Variants in CACNA1E observed in about 807,000 individuals in gnomAD.
CACNA1E encodes voltage-dependent R-type calcium channel subunit alpha-1E.
Under a neutral mutation model 259.2 loss-of-function variants are expected in CACNA1E, and 40 were observed. The ratio of observed to expected loss-of-function variants is 0.15; its 90% CI spans 0.12 to 0.20. The LOEUF is 0.20. CACNA1E is among the 10% of genes least tolerant of loss of function. The pLI is 1.00. For missense variants in CACNA1E, 1,874 were observed against 3,040.1 expected, an observed-to-expected ratio of 0.62 and a Z score of 9.02; for synonymous variants, 1,104 against 1,138.5, an observed-to-expected ratio of 0.97 and a Z score of 0.61.
At chr1:181,753,473 T>C (rs1657781234) in intron 27 of CACNA1E, among the ~76,000 whole-genome samples, 1 of 152,156 alleles carries the variant, frequency 6.6e-6, no homozygotes, top group African/African-American at 2.4e-5. Flanking sequence ...CCAGGGCAAA[T>C]TACTTATTCT....
chr1:181,776,142 G>A lies in CACNA1E; in HGVS notation c.5181G>A (p.Glu1727=), dbSNP rs1257152091. 6.2e-6 allele frequency: 10 copies of A among 1,613,920 alleles called. No individual in the cohort carries two copies. In the East Asian group the frequency reaches 1.1e-4, roughly 18 times the overall value. ...LFVAVIMDNF[E]YLTRDSSILG... ...TGGCCGTCATCATGGACAACTTTGA[G>A]TACCTGACTCGGGACTCCTCCATCC... The change falls in exon 38 of 48, where the codon GAG becomes GAA. Residue 1727 remains glutamate, a synonymous_variant. Coordinates refer to ENST00000367573, the MANE Select transcript of CACNA1E (RefSeq NM_001205293.3). The surrounding 1 kb of genome is among the most constrained non-coding windows in gnomAD (Gnocchi z 4.4).
chr1:181,700,114 G>A (rs1246243623), intron 7 of CACNA1E, among the ~76,000 whole-genome samples: 1 of 152,104 alleles, frequency 6.6e-6, no homozygotes, highest in Non-Finnish European at 1.5e-5. Flanking sequence ...TGGGCCCTGG[G>A]GCACTCCAAT....
At chr1:181,386,757 C>T (rs548676027) in intron 1 of CACNA1E, among the ~76,000 whole-genome samples, 139 of 152,282 alleles carry the variant, frequency 9.1e-4, no homozygotes, top group African/African-American at 3.2e-3. Flanking sequence ...AGAATACAAT[C>T]AAATTCCTCC....
intron 32 of CACNA1E, among the ~76,000 whole-genome samples, chr1:181,759,884 A>C (rs943005500): frequency 6.6e-6 from 1 of 152,214 alleles, no homozygotes; most frequent in Admixed American, 6.5e-5. Context: ...TTGGTCTCCC[A>C]GCGGTTCTTT....
intron 1 of CACNA1E, among the ~76,000 whole-genome samples, chr1:181,330,099 C>T (rs1651134910): frequency 6.6e-6 from 1 of 152,100 alleles, no homozygotes; most frequent in Non-Finnish European, 1.5e-5. Flanking sequence ...GCCTTACCAG[C>T]CTCATGCTCT....
chr1:181,426,595 C>G (rs961925893), intron 2 of CACNA1E, among the ~76,000 whole-genome samples: 5 of 149,428 alleles, frequency 3.3e-5, no homozygotes, highest in African/African-American at 1.2e-4. Flanking sequence ...CTTCACAACT[C>G]AATCCCTTCC....
At chr1:181,755,472 C>A in intron 28 of CACNA1E, 75 bp downstream of exon 28, 4 of 1,107,108 alleles carry the variant, frequency 3.6e-6, no homozygotes, top group Non-Finnish European at 5.4e-6. Context: ...ACCACAGGTC[C>A]ACCCTCCCTC....
chr1:181,785,778 C>T lies in CACNA1E; in HGVS notation c.5745C>T (p.Ala1915=). The change falls in exon 43 of 48, where the codon GCC becomes GCT. Residue 1915 remains alanine, a synonymous_variant. Transcript: ENST00000367573. ...SSLPQEIIAN[A]KALPYLQQDP... ...TGCCTCAGGAGATCATTGCTAATGC[C>T]AAAGCCCTGCCTTACCTCCAGCAGG... The T allele has an allele frequency of 6.2e-7, 1 of 1,612,844 alleles. No individual in the cohort carries two copies. Among genetic ancestry groups the T allele is most frequent in the Non-Finnish European group, 8.5e-7 (1 of 1,179,558 alleles).
At chr1:181,567,942 TATATATATACACAC>T (rs779952382) in intron 3 of CACNA1E, among the ~76,000 whole-genome samples, 84 of 152,126 alleles carry the variant, frequency 5.5e-4, no homozygotes, top group African/African-American at 1.9e-3. Context: ...TATGTGTGTA[TATATATATACACAC>T]ATATATATAC....
At chr1:181,571,221 G>A (rs752816135) in intron 3 of CACNA1E, among the ~76,000 whole-genome samples, 20 of 152,206 alleles carry the variant, frequency 1.3e-4, no homozygotes, top group Admixed American at 2.6e-4. Context: ...AAGCCTGACA[G>A]CTAGTATAGG....
At chr1:181,656,641 T>C (rs1659231705) in intron 7 of CACNA1E, among the ~76,000 whole-genome samples, 1 of 152,178 alleles carries the variant, frequency 6.6e-6, no homozygotes, top group Non-Finnish European at 1.5e-5. Flanking sequence ...GTTGATAAAG[T>C]CTACAGTGCC....
chr1:181,561,423 C>G (rs540788476), intron 3 of CACNA1E, among the ~76,000 whole-genome samples: 1 of 152,164 alleles, frequency 6.6e-6, no homozygotes, highest in African/African-American at 2.4e-5. Flanking sequence ...CTATCACCCC[C>G]CAAATTCCTT....
chr1:181,606,901 C>T (rs1037754668), intron 6 of CACNA1E, among the ~76,000 whole-genome samples: 10 of 152,202 alleles, frequency 6.6e-5, no homozygotes, highest in Non-Finnish European at 1.5e-4. Flanking sequence ...AAGGACATAT[C>T]CTCTGGAAAA....
At chr1:181,465,295 G>A (rs1481566771) in intron 2 of CACNA1E, among the ~76,000 whole-genome samples, 1 of 152,088 alleles carries the variant, frequency 6.6e-6, no homozygotes, top group East Asian at 1.9e-4. Context: ...ACTAGAATAT[G>A]TGTGTATAGG....
At chr1:181,680,775 G>C (rs1649882316) in intron 7 of CACNA1E, among the ~76,000 whole-genome samples, 1 of 152,134 alleles carries the variant, frequency 6.6e-6, no homozygotes, top group Non-Finnish European at 1.5e-5. Context: ...ACGTTGGCCA[G>C]TTCCTTGAGA....
At chr1:181,387,274 C>T (rs1655925854) in intron 1 of CACNA1E, among the ~76,000 whole-genome samples, 1 of 152,174 alleles carries the variant, frequency 6.6e-6, no homozygotes, top group African/African-American at 2.4e-5. Context: ...TTGGGCTGCT[C>T]CTTTGAGTGC....
At chr1:181,651,525 T>A (rs1280083661) in intron 7 of CACNA1E, 84 bp downstream of exon 7, 28 of 930,414 alleles carry the variant, frequency 3.0e-5, no homozygotes, top group Non-Finnish European at 1.9e-5. Context: ...GCAGATTCAT[T>A]CATTTAACCT....
chr1:181,663,179 T>C (rs535306603), intron 7 of CACNA1E, among the ~76,000 whole-genome samples: 7 of 152,362 alleles, frequency 4.6e-5, no homozygotes, highest in Admixed American at 1.3e-4. Flanking sequence ...AAAGATAAGA[T>C]GTAATATTTA....
chr1:181,781,497 A>C lies in CACNA1E; in HGVS notation c.5338A>C (p.Arg1780=). The change falls in exon 39 of 48, where the codon AGA becomes CGA. Residue 1780 remains arginine, a synonymous_variant. Transcript: ENST00000367573. ...LMSPPLGLGK[R]CPSKVAYKRL... is the part of the protein sequence containing the mutation. The stretch of plus-strand genomic sequence containing the variant: ...GTCACCTCCGCTAGGCCTCGGCAAG[A>C]GATGTCCCTCCAAAGTGGCATATAA... 6.3e-7 allele frequency: 1 copy of C among 1,588,226 alleles called. No individual in the cohort carries two copies. Among genetic ancestry groups the C allele is most frequent in the Non-Finnish European group, 8.6e-7 (1 of 1,161,482 alleles).
Sources: gnomAD v4.1 joint callset for allele counts (sites outside exome capture counted in the v4.1 genomes callset) on GRCh38, gnomAD v4.1.1 for gene constraint, Gnocchi (gnomAD v3.1) non-coding constraint, MANE v1.5 for transcripts, NCBI Gene and HGNC (gene_info 2026-07-23, HGNC 2026-07-21) for gene names.